Variants in HM13 observed in about 807,000 individuals in gnomAD.
HM13 encodes the protein signal peptide peptidase.
Under a neutral mutation model 50.0 loss-of-function variants are expected in HM13, and 18 were observed. That is an observed-to-expected ratio of 0.36 (90% CI 0.25 to 0.53). The LOEUF is 0.53. Among genes scored for constraint, HM13 ranks in the 20% least tolerant of loss-of-function variants. The pLI is 0.90. For missense variants in HM13, 393 were observed against 552.4 expected (o/e 0.71, Z 2.89); for synonymous variants, 197 against 232.6 (o/e 0.85, Z 1.39).
rs1176744593 is a variant in HM13, at chr20:31,554,638, C to T, written c.725-108C>T. Reference sequence around the variant, plus strand: ...TGGAGCTTGCAGTGAGCCGAGATTGCGCCACTGCACTCCAGCCTGGGTGAC... The same window carrying T: ...TGGAGCTTGCAGTGAGCCGAGATTGTGCCACTGCACTCCAGCCTGGGTGAC... On this transcript the variant is annotated intron_variant, in intron 7 of 12. Transcript: ENST00000398174. The T allele has an allele frequency of 4.4e-5, 36 of 812,068 alleles. 1 individual carries two copies. The South Asian group carries it at 5.0e-4, about 11-fold the overall frequency. 50.3% of individuals were successfully genotyped at this position (812,068 alleles called of 1,614,324 possible).
In HM13 at chr20:31,514,468, G is replaced by C. The variant is rs1055894373; in HGVS notation, c.-84G>C. On this transcript the variant is annotated 5_prime_UTR_variant, in exon 1 of 13. Transcript: ENST00000398174. The surrounding 1 kb of genome is among the most constrained non-coding windows in gnomAD (Gnocchi z 4.3). The stretch of plus-strand genomic sequence containing the variant: ...CTTCCTGTTGCCTTAGGGGAACGTG[G>C]CTTTCCCTGCAGAGCCGGTGTCTCC... 2 of 1,450,734 alleles carry C rather than the reference G, an allele frequency of 1.4e-6. No homozygotes were observed. The highest frequency in any genetic ancestry group is 2.8e-5 in the African/African-American group (2 of 71,160). 89.9% of individuals were successfully genotyped at this position (1,450,734 alleles called of 1,614,324 possible).
intron 9 of HM13, among the ~76,000 whole-genome samples, chr20:31,561,235 T>A (rs1214270443): frequency 6.6e-6 from 1 of 152,184 alleles, no homozygotes; most frequent in East Asian, 1.9e-4. Flanking sequence ...AAATGCAGAT[T>A]CCTGGGCCCT....
At chr20:31,557,444 A>G (rs1259185413) in intron 8 of HM13, among the ~76,000 whole-genome samples, 1 of 152,198 alleles carries the variant, frequency 6.6e-6, no homozygotes, top group African/African-American at 2.4e-5. Flanking sequence ...TAAGTTGATC[A>G]CAGTGGAGCG....
At chr20:31,526,289 G>T (rs1982489123) in intron 1 of HM13, among the ~76,000 whole-genome samples, 1 of 151,880 alleles carries the variant, frequency 6.6e-6, no homozygotes, top group Non-Finnish European at 1.5e-5. Context: ...CTCCTGAGTA[G>T]CTGGGATTAT....
rs557421657 is a variant in HM13 at position 31,553,355 on chromosome 20, C to G, written c.725-1391C>G. Among the ~76,000 whole-genome samples, 23 of 151,014 alleles carry G rather than the reference C, an allele frequency of 1.5e-4. 1 individual carries two copies. In the East Asian group the frequency reaches 3.9e-3, roughly 26 times the overall value. ...ACCCCCTACCTGCAAGTAAGGAATT[C>G]AAGGAACAGGATTTTCCTGATTGGC... On this transcript the variant is annotated intron_variant, in intron 7 of 12. Transcript: ENST00000398174.
At chr20:31,567,933 C>G in intron 11 of HM13, 145 bp from the exon 12 acceptor site, 1 of 694,342 alleles carries the variant, frequency 1.4e-6, no homozygotes, top group Non-Finnish European at 2.3e-6. Context: ...ATAATATCAG[C>G]TTCTTTCCAT....
chr20:31,521,605 T>G (rs1982162431), intron 1 of HM13, among the ~76,000 whole-genome samples: 1 of 151,866 alleles, frequency 6.6e-6, no homozygotes, highest in Non-Finnish European at 1.5e-5. Flanking sequence ...GGTACATGCC[T>G]GTAGTCCCAG....
intron 8 of HM13, among the ~76,000 whole-genome samples, chr20:31,558,685 C>G (rs1360306191): frequency 6.6e-6 from 1 of 151,914 alleles, no homozygotes; most frequent in East Asian, 1.9e-4. Flanking sequence ...CTCCCAATAG[C>G]TAGAATTGCA....
chr20:31,556,811 G>A (rs915974279), intron 8 of HM13, among the ~76,000 whole-genome samples: 4 of 152,068 alleles, frequency 2.6e-5, no homozygotes, highest in Non-Finnish European at 4.4e-5. Flanking sequence ...ATGAGGTCAG[G>A]AGATCGAGAC....
At chr20:31,544,885 T>C in intron 3 of HM13, 62 bp from the exon 4 acceptor site, 1 of 1,285,574 alleles carries the variant, frequency 7.8e-7, no homozygotes, top group Non-Finnish European at 1.1e-6. Context: ...GGGGCAGGGG[T>C]GTGTTAAGGC....
intron 2 of HM13, among the ~76,000 whole-genome samples, chr20:31,533,181 C>G (rs1424409043): frequency 6.6e-6 from 1 of 152,220 alleles, no homozygotes; most frequent in East Asian, 1.9e-4. Context: ...GGTTGGGGCA[C>G]TGGAGTTTGT....
chr20:31,519,027 T>G (rs530895933), intron 1 of HM13, among the ~76,000 whole-genome samples: 1 of 152,258 alleles, frequency 6.6e-6, no homozygotes, highest in Non-Finnish European at 1.5e-5. Context: ...GCCCCTCTCC[T>G]GTGTTTCTTA....
At chr20:31,555,282 C>T (rs1265347179) in intron 8 of HM13, among the ~76,000 whole-genome samples, 1 of 152,244 alleles carries the variant, frequency 6.6e-6, no homozygotes, top group Non-Finnish European at 1.5e-5. Context: ...CCTCCCTGTG[C>T]CAAGACATCT....
At chr20:31,556,129 TC>T (rs748555488) in intron 8 of HM13, among the ~76,000 whole-genome samples, 14 of 151,508 alleles carry the variant, frequency 9.2e-5, no homozygotes, top group Admixed American at 4.6e-4. Flanking sequence ...CCTCCCTGGT[TC>T]AAGCGATTCT....
intron 1 of HM13, among the ~76,000 whole-genome samples, chr20:31,518,963 A>G (rs778077561): frequency 1.3e-5 from 2 of 152,128 alleles, no homozygotes; most frequent in Non-Finnish European, 2.9e-5. Flanking sequence ...AAAGGGGTGC[A>G]CAGTGAAAGT....
chr20:31,544,534 A>G (rs1170380988), intron 3 of HM13, among the ~76,000 whole-genome samples: 1 of 152,196 alleles, frequency 6.6e-6, no homozygotes, highest in Non-Finnish European at 1.5e-5. Flanking sequence ...CAGGTCATCT[A>G]ACTTGATAGG....
intron 3 of HM13, chr20:31,538,528 T>C (rs1983251666): frequency 4.3e-6 from 6 of 1,393,586 alleles, no homozygotes; most frequent in South Asian, 1.7e-5. Flanking sequence ...TGAGCAGTAA[T>C]GTCATGTTAG....
intron 3 of HM13, chr20:31,538,817 C>T: frequency 3.9e-6 from 1 of 254,818 alleles, no homozygotes; most frequent in Non-Finnish European, 6.2e-6. Context: ...GTGCCCTTCC[C>T]ATGGGGTCAT....
intron 4 of HM13, chr20:31,548,256 A>C: frequency 1.9e-6 from 1 of 516,846 alleles, no homozygotes; most frequent in Non-Finnish European, 3.5e-6. Flanking sequence ...GTCTGCTAAC[A>C]CTCTGGAATG....
Sources: gnomAD v4.1 joint callset for allele counts (sites outside exome capture counted in the v4.1 genomes callset) on GRCh38, gnomAD v4.1.1 for gene constraint, Gnocchi (gnomAD v3.1) non-coding constraint, MANE v1.5 for transcripts, NCBI Gene and HGNC (gene_info 2026-07-23, HGNC 2026-07-21) for gene names.